Variants in GULP1 observed in about 807,000 individuals in gnomAD.
GULP1 encodes GULP PTB domain containing engulfment adaptor 1.
Under a neutral mutation model 40.9 loss-of-function variants are expected in GULP1, and 19 were observed. The observed-to-expected ratio is 0.46, with a 90% CI of 0.32 to 0.68. The LOEUF (loss-of-function observed/expected upper bound fraction) is 0.68, where lower values mean the gene tolerates loss of function less well. GULP1 is among the 30% of genes least tolerant of loss of function. The probability of loss-of-function intolerance (pLI) is 0.03; values close to 1 mark genes in which losing one functional copy is unlikely to be tolerated. For synonymous variants in GULP1, 119 were observed against 117.6 expected (o/e 1.01, Z -0.08); for missense variants, 312 against 362.2 (o/e 0.86, Z 1.12).
At chr2:188,313,347 G>C (rs2038508711) in intron 1 of GULP1, among the ~76,000 whole-genome samples, 1 of 151,772 alleles carries the variant, frequency 6.6e-6, no homozygotes, top group African/African-American at 2.4e-5. Flanking sequence ...TGGCTAGCCA[G>C]TTGCACCATT....
chr2:188,570,027 G>A lies in GULP1; in HGVS notation c.517-1G>A. 1 of 1,141,290 alleles carries A rather than the reference G, an allele frequency of 8.8e-7. No individual in the cohort carries two copies. The highest frequency in any genetic ancestry group is 1.3e-6 in the Non-Finnish European group (1 of 781,758). The allele number at this position is 1,141,290 out of a possible 1,614,324, so 70.7% of individuals were successfully genotyped here. A position where few individuals can be genotyped will look rare whatever the true frequency, so the allele number is the denominator to read the frequency against. On this transcript the variant is annotated splice_acceptor_variant, in intron 8 of 11. Coordinates refer to ENST00000409830, the MANE Select transcript of GULP1 (RefSeq NM_016315.4). LOFTEE classifies it high-confidence loss of function. ...TTATTCAATAATGATTTTCTTTTTA[G>A]ATCCAAGACTTAGAAACAGAAAATA... is the stretch of plus-strand genomic sequence containing the variant.
At chr2:188,367,421 T>G (rs2046956002) in intron 1 of GULP1, among the ~76,000 whole-genome samples, 1 of 152,118 alleles carries the variant, frequency 6.6e-6, no homozygotes, top group Admixed American at 6.5e-5. Context: ...GGAAACAGAT[T>G]AGCTCCAGGA....
chr2:188,455,312 G>C lies in GULP1; in HGVS notation c.-44-22347G>C, dbSNP rs1483352093. ...CAGTAAATTGTAAGTGAATATTCAT[G>C]TTGAGTACATGATGTGGTGTGGCTG... is the stretch of plus-strand genomic sequence containing the variant. On this transcript the variant is annotated intron_variant, in intron 2 of 11. Coordinates refer to ENST00000409830, the MANE Select transcript of GULP1 (RefSeq NM_016315.4). Among the ~76,000 whole-genome samples, 4 of 152,082 alleles carry C rather than the reference G, an allele frequency of 2.6e-5. No homozygotes were observed. The East Asian group carries it at 7.7e-4, about 29-fold the overall frequency.
intron 2 of GULP1, among the ~76,000 whole-genome samples, chr2:188,451,078 T>G (rs892252689): frequency 6.6e-6 from 1 of 152,228 alleles, no homozygotes; most frequent in Non-Finnish European, 1.5e-5. Context: ...ACCATTGGTA[T>G]CTAAATTAAC....
chr2:188,329,211 A>G (rs1206874376), intron 1 of GULP1, among the ~76,000 whole-genome samples: 2 of 151,488 alleles, frequency 1.3e-5, no homozygotes, highest in East Asian at 3.9e-4. Context: ...AGGCAATAGC[A>G]CTATTATTAC....
intron 5 of GULP1, among the ~76,000 whole-genome samples, chr2:188,524,630 C>A (rs1685692700): frequency 1.4e-5 from 2 of 146,890 alleles, no homozygotes; most frequent in Admixed American, 6.8e-5. Context: ...TTTTGTGTGT[C>A]AAGGGTCAGA....
chr2:188,396,259 CA>C (rs751517205), intron 2 of GULP1, among the ~76,000 whole-genome samples: 3 of 152,174 alleles, frequency 2.0e-5, no homozygotes, highest in Non-Finnish European at 4.4e-5. Context: ...GTTAAGCTAC[CA>C]GAACAGCCGG....
chr2:188,479,447 G>C (rs2061280041), intron 3 of GULP1, among the ~76,000 whole-genome samples: 1 of 151,976 alleles, frequency 6.6e-6, no homozygotes, highest in South Asian at 2.1e-4. Flanking sequence ...TGAAGTTTTT[G>C]TTTTGTTTTA....
At position 188,515,251 on chromosome 2, in the gene GULP1, C is replaced by T. The variant is rs527707552; in HGVS notation, c.91-7505C>T. ...ATTAATGTCTCACTTGCATGATTCC[C>T]CCTGCCATTTCCTTGAACACTCATC... On this transcript the variant is annotated intron_variant, in intron 4 of 11. Coordinates refer to ENST00000409830, the MANE Select transcript of GULP1 (RefSeq NM_016315.4). 2.0e-5 allele frequency among the ~76,000 whole-genome samples: 3 copies of T among 152,188 alleles called. No individual in the cohort carries two copies. The South Asian group carries it at 6.2e-4, about 32-fold the overall frequency.
chr2:188,524,553 A>G (rs1475213671), intron 5 of GULP1, among the ~76,000 whole-genome samples: 3 of 151,800 alleles, frequency 2.0e-5, no homozygotes, highest in African/African-American at 7.2e-5. Context: ...TGATTCATAC[A>G]CTAATGATAA....
chr2:188,537,197 C>T lies in GULP1; in HGVS notation c.262-3984C>T, dbSNP rs114089184. Among the ~76,000 whole-genome samples, 606 of 151,724 alleles carry T rather than the reference C, an allele frequency of 4.0e-3. 5 individuals are homozygous for T. Among genetic ancestry groups the T allele is most frequent in the African/African-American group, 0.014 (572 of 41,392 alleles). The stretch of plus-strand genomic sequence containing the variant: ...TCTCTTTTTTTCTACTGTCTGATTC[C>T]TCTGGCAAGGACTTTGAGTACTCTG... On this transcript the variant is annotated intron_variant, in intron 6 of 11. Transcript: ENST00000409830.
chr2:188,398,014 A>G (rs2051532641), intron 2 of GULP1, among the ~76,000 whole-genome samples: 1 of 152,230 alleles, frequency 6.6e-6, no homozygotes, highest in South Asian at 2.1e-4. Flanking sequence ...CTATGCAGGT[A>G]TAATTTAGGA....
At chr2:188,523,871 C>T (rs1222035659) in intron 5 of GULP1, among the ~76,000 whole-genome samples, 3 of 152,168 alleles carry the variant, frequency 2.0e-5, no homozygotes, top group Non-Finnish European at 2.9e-5. Context: ...TTTTACTAAT[C>T]GTTTTAAGTA....
intron 5 of GULP1, 196 bp downstream of exon 5, chr2:188,523,023 A>G (rs1685244359): frequency 2.1e-6 from 1 of 467,250 alleles, no homozygotes; most frequent in Non-Finnish European, 3.9e-6. Context: ...TGTTTAAAAT[A>G]TGGCATACTG....
intron 1 of GULP1, among the ~76,000 whole-genome samples, chr2:188,328,101 A>G (rs1312314792): frequency 6.6e-6 from 1 of 152,118 alleles, no homozygotes; most frequent in East Asian, 1.9e-4. Context: ...CACCACTTTG[A>G]TCTAGAATTG....
intron 4 of GULP1, among the ~76,000 whole-genome samples, chr2:188,516,546 A>G (rs1238408642): frequency 6.6e-6 from 1 of 151,994 alleles, no homozygotes; most frequent in African/African-American, 2.4e-5. Context: ...AGTGATTGAT[A>G]GTGTTCTATC....
intron 9 of GULP1, chr2:188,582,267 A>T: frequency 2.4e-6 from 1 of 415,654 alleles, no homozygotes; most frequent in Non-Finnish European, 5.0e-6. Context: ...TTACAAATAA[A>T]TTTCAAGTAT....
intron 4 of GULP1, among the ~76,000 whole-genome samples, chr2:188,492,113 A>T (rs1047373143): frequency 6.6e-6 from 1 of 152,082 alleles, no homozygotes; most frequent in African/African-American, 2.4e-5. Context: ...AAAGCAGTAC[A>T]AAGAGGTTGC....
intron 1 of GULP1, among the ~76,000 whole-genome samples, chr2:188,322,397 C>T (rs1026639526): frequency 2.0e-5 from 3 of 151,932 alleles, no homozygotes; most frequent in Non-Finnish European, 4.4e-5. Context: ...GTCCTATTCT[C>T]ATGGCATGAA....
Sources: allele counts gnomAD v4.1 joint callset (sites outside exome capture counted in the v4.1 genomes callset), GRCh38; gene constraint gnomAD v4.1.1; transcripts MANE v1.5; gene names NCBI Gene and HGNC (gene_info 2026-07-23, HGNC 2026-07-21).